WNT3: variants seen among roughly 807,000 people sequenced by gnomAD.
WNT3 encodes the protein proto-oncogene Wnt-3.
A neutral mutation model predicts 34.2 loss-of-function variants in WNT3; 7 were observed. The ratio of observed to expected loss-of-function variants is 0.20; its 90% CI spans 0.12 to 0.38. The LOEUF (loss-of-function observed/expected upper bound fraction) is 0.38, where lower values mean the gene tolerates loss of function less well. WNT3 is among the 10% of genes least tolerant of loss of function. The pLI is 1.00. For missense variants in WNT3, 267 were observed against 499.8 expected, an observed-to-expected ratio of 0.53 and a Z score of 4.44; for synonymous variants, 212 against 211.5, an observed-to-expected ratio of 1.00 and a Z score of -0.02.
intron 4 of WNT3, among the ~76,000 whole-genome samples, chr17:46,766,935 G>C (rs530554715): frequency 3.9e-4 from 60 of 152,314 alleles, no homozygotes; most frequent in African/African-American, 1.4e-3. Flanking sequence ...CATCTCTGGG[G>C]AGGATGACAG....
At chr17:46,812,955 G>A (rs2084295580) in intron 1 of WNT3, among the ~76,000 whole-genome samples, 1 of 152,074 alleles carries the variant, frequency 6.6e-6, no homozygotes, top group South Asian at 2.1e-4. Flanking sequence ...AGGAAACTGA[G>A]GCTTGCAGAG....
intron 1 of WNT3, among the ~76,000 whole-genome samples, chr17:46,784,792 T>C (rs1286192679): frequency 9.2e-6 from 1 of 108,618 alleles, no homozygotes; most frequent in East Asian, 2.4e-4. Context: ...TTTTTTTTTT[T>C]TGAGATGGAG....
At chr17:46,775,942 C>T in intron 1 of WNT3, among the ~76,000 whole-genome samples, 1 of 152,190 alleles carries the variant, frequency 6.6e-6, no homozygotes, top group East Asian at 1.9e-4. Context: ...GTGGTAATGG[C>T]TAATTACTGA....
chr17:46,810,590 CTGAG>C (rs1023970540), intron 1 of WNT3, among the ~76,000 whole-genome samples: 1 of 152,244 alleles, frequency 6.6e-6, no homozygotes, highest in African/African-American at 2.4e-5. Flanking sequence ...GATGAGAAAA[CTGAG>C]GGAGGGAGGA....
At chr17:46,802,469 T>C (rs1568092723) in intron 1 of WNT3, among the ~76,000 whole-genome samples, 1 of 152,116 alleles carries the variant, frequency 6.6e-6, no homozygotes, top group South Asian at 2.1e-4. Flanking sequence ...GGTTTCACCA[T>C]GTTGGTCAGG....
At chr17:46,786,945 T>C (rs972499711) in intron 1 of WNT3, among the ~76,000 whole-genome samples, 3 of 151,372 alleles carry the variant, frequency 2.0e-5, no homozygotes, top group Non-Finnish European at 2.9e-5. Flanking sequence ...TTTTTTCTTT[T>C]TTTTTTTTTT....
At chr17:46,804,495 G>A (rs2084167409) in intron 1 of WNT3, among the ~76,000 whole-genome samples, 1 of 152,062 alleles carries the variant, frequency 6.6e-6, no homozygotes, top group South Asian at 2.1e-4. Flanking sequence ...AGTGCTGTAA[G>A]ACACCAGACG....
Position 46,788,556 on chromosome 17 carries a change from T to A in WNT3, c.81-14647A>T, listed in dbSNP as rs567720439. On this transcript the variant is annotated intron_variant, in intron 1 of 4. Transcript: ENST00000225512. ...CATGTTTAAATCCCCTTTTAATGTC[T>A]CCAATTCAAATTGTTCCCTCTGGCC... is the stretch of plus-strand genomic sequence containing the variant. 1.9e-3 allele frequency among the ~76,000 whole-genome samples: 297 copies of A among 152,334 alleles called. 1 individual carries two copies. The highest frequency in any genetic ancestry group is 6.0e-3 in the African/African-American group (250 of 41,580).
At chr17:46,766,820 G>C (rs954225988) in intron 4 of WNT3, among the ~76,000 whole-genome samples, 1 of 152,166 alleles carries the variant, frequency 6.6e-6, no homozygotes, top group Non-Finnish European at 1.5e-5. Context: ...CCCTTTCACA[G>C]GCTGCTCTCG....
At chr17:46,783,084 T>G (rs915737374) in intron 1 of WNT3, among the ~76,000 whole-genome samples, 1 of 152,190 alleles carries the variant, frequency 6.6e-6, no homozygotes, top group Non-Finnish European at 1.5e-5. Context: ...GCTAGTTCAT[T>G]CTCTCAACGG....
intron 4 of WNT3, among the ~76,000 whole-genome samples, chr17:46,767,274 C>A (rs960326869): frequency 2.0e-5 from 3 of 152,250 alleles, no homozygotes; most frequent in East Asian, 3.9e-4. Flanking sequence ...CTCATCCCAG[C>A]CACTCTGAAC....
chr17:46,783,716 C>G (rs1432765942), intron 1 of WNT3, among the ~76,000 whole-genome samples: 4 of 152,126 alleles, frequency 2.6e-5, no homozygotes, highest in Admixed American at 2.6e-4. Context: ...GAGCAGCTAC[C>G]GAGCTGGAGA....
In WNT3 at chr17:46,786,163, C is replaced by T. The variant is rs548293990; in HGVS notation, c.81-12254G>A. Among the ~76,000 whole-genome samples, 4 of 144,922 alleles carry T rather than the reference C, an allele frequency of 2.8e-5. No individual in the cohort carries two copies. In the East Asian group the frequency reaches 6.2e-4, roughly 22 times the overall value. The stretch of plus-strand genomic sequence containing the variant: ...TGTTGCCTTCAGCCAAATTGTGGTC[C>T]GGGGCATGGAGCAGTCTGGTGGGAC... On this transcript the variant is annotated intron_variant, in intron 1 of 4. Transcript: ENST00000225512.
At chr17:46,771,547 G>T (rs1484073949) in intron 2 of WNT3, among the ~76,000 whole-genome samples, 2 of 148,830 alleles carry the variant, frequency 1.3e-5, no homozygotes, top group African/African-American at 4.9e-5. Flanking sequence ...TGACAGCCCC[G>T]CTGTGCCTTC....
At chr17:46,774,716 TCAA>T (rs1281340412) in intron 1 of WNT3, among the ~76,000 whole-genome samples, 1 of 152,132 alleles carries the variant, frequency 6.6e-6, no homozygotes, top group African/African-American at 2.4e-5. Context: ...GGTTTTATAG[TCAA>T]CAACAGAAAG....
intron 1 of WNT3, among the ~76,000 whole-genome samples, chr17:46,784,944 T>G (rs2059490804): frequency 6.6e-6 from 1 of 151,618 alleles, no homozygotes; most frequent in African/African-American, 2.4e-5. Context: ...CCCGGCTAAT[T>G]TTTTTGTATT....
chr17:46,785,173 G>A (rs1322872100), intron 1 of WNT3, among the ~76,000 whole-genome samples: 1 of 152,138 alleles, frequency 6.6e-6, no homozygotes, highest in Non-Finnish European at 1.5e-5. Context: ...GGACCTCCCA[G>A]CCCTAACCAT....
chr17:46,812,708 C>G (rs1180485557), intron 1 of WNT3, among the ~76,000 whole-genome samples: 1 of 152,100 alleles, frequency 6.6e-6, no homozygotes, highest in Non-Finnish European at 1.5e-5. Context: ...GTGGGGCAAA[C>G]AGGCAAAAAG....
intron 1 of WNT3, among the ~76,000 whole-genome samples, chr17:46,779,163 G>C (rs568288824): frequency 6.6e-6 from 1 of 150,960 alleles, no homozygotes; most frequent in African/African-American, 2.4e-5. Context: ...TGATTCTGGA[G>C]GAAAGGAATG....
Sources: allele counts gnomAD v4.1 joint callset (sites outside exome capture counted in the v4.1 genomes callset), GRCh38; gene constraint gnomAD v4.1.1; transcripts MANE v1.5; gene names NCBI Gene and HGNC (gene_info 2026-07-23, HGNC 2026-07-21).